Variants in SPATS2L observed in about 807,000 individuals in gnomAD.
SPATS2L encodes spermatogenesis associated serine rich 2 like.
A neutral mutation model predicts 59.6 loss-of-function variants in SPATS2L; 30 were observed. The observed-to-expected ratio is 0.50, with a 90% CI of 0.38 to 0.68. SPATS2L has a LOEUF of 0.68. SPATS2L is among the 30% of genes least tolerant of loss of function. SPATS2L has a pLI of 0.00. For synonymous variants in SPATS2L, 252 were observed against 263.5 expected, an observed-to-expected ratio of 0.96 and a Z score of 0.42; for missense variants, 615 against 700.0, an observed-to-expected ratio of 0.88 and a Z score of 1.37.
chr2:200,477,250 A>G (rs73042206), intron 12 of SPATS2L, among the ~76,000 whole-genome samples: 12,565 of 152,136 alleles, frequency 0.083, 1,050 homozygotes, highest in African/African-American at 0.22. Flanking sequence ...TGTCCCTCTC[A>G]GTCTCTACAG....
At chr2:200,385,230 G>A (rs561106123) in intron 2 of SPATS2L, among the ~76,000 whole-genome samples, 1 of 152,206 alleles carries the variant, frequency 6.6e-6, no homozygotes, top group African/African-American at 2.4e-5. Context: ...ACTCACTGTA[G>A]GTCCTAAAAA....
intron 2 of SPATS2L, among the ~76,000 whole-genome samples, chr2:200,375,819 G>T (rs1315631627): frequency 1.3e-5 from 2 of 152,054 alleles, no homozygotes; most frequent in Admixed American, 1.3e-4. Context: ...TAGAGACAGG[G>T]TTTCACCGTG....
intron 2 of SPATS2L, among the ~76,000 whole-genome samples, chr2:200,353,171 G>A (rs962675333): frequency 4.6e-5 from 7 of 152,168 alleles, no homozygotes; most frequent in Non-Finnish European, 1.0e-4. Context: ...ACCTAGAGGA[G>A]CAAAGAAGAG....
At chr2:200,464,595 C>A (rs774000982) in intron 9 of SPATS2L, among the ~76,000 whole-genome samples, 6 of 152,080 alleles carry the variant, frequency 3.9e-5, no homozygotes, top group Non-Finnish European at 7.3e-5. Flanking sequence ...GGCCTAATGA[C>A]CCCTTTACTA....
chr2:200,326,901 A>AT (rs755351538), intron 1 of SPATS2L, among the ~76,000 whole-genome samples: 32,223 of 98,960 alleles, frequency 0.33, 6,416 homozygotes, highest in East Asian at 0.66. Flanking sequence ...TGCCCGGCTA[A>AT]TTTTTTTTTT....
intron 2 of SPATS2L, among the ~76,000 whole-genome samples, chr2:200,335,900 G>A (rs886722112): frequency 1.3e-5 from 2 of 152,198 alleles, no homozygotes; most frequent in African/African-American, 4.8e-5. Context: ...CTGGGGCATA[G>A]GCGAAGTCTC....
chr2:200,324,426 C>T (rs914952673), intron 1 of SPATS2L, among the ~76,000 whole-genome samples: 1 of 152,170 alleles, frequency 6.6e-6, no homozygotes, highest in Non-Finnish European at 1.5e-5. Flanking sequence ...GCTTGCTATT[C>T]TCATTTGGAA....
At chr2:200,319,729 C>G (rs2079501609) in intron 1 of SPATS2L, among the ~76,000 whole-genome samples, 1 of 152,136 alleles carries the variant, frequency 6.6e-6, no homozygotes, top group East Asian at 1.9e-4. Context: ...AAATCAGGAA[C>G]AGCACATTGT....
At chr2:200,476,514 CAG>C (rs372165533) in intron 12 of SPATS2L, among the ~76,000 whole-genome samples, 47 of 152,360 alleles carry the variant, frequency 3.1e-4, no homozygotes, top group African/African-American at 1.1e-3. Flanking sequence ...GGCCTTGCAA[CAG>C]GGGTGCCTCA....
intron 2 of SPATS2L, among the ~76,000 whole-genome samples, chr2:200,367,667 A>T (rs2081306696): frequency 6.6e-6 from 1 of 151,468 alleles, no homozygotes; most frequent in South Asian, 2.1e-4. Flanking sequence ...TAAGAAAGGA[A>T]TGCCCATATT....
intron 3 of SPATS2L, among the ~76,000 whole-genome samples, chr2:200,404,966 C>T (rs1010542256): frequency 2.0e-5 from 3 of 152,138 alleles, no homozygotes; most frequent in Admixed American, 1.3e-4. Flanking sequence ...TATACTGGAC[C>T]CACTGAGATA....
intron 1 of SPATS2L, among the ~76,000 whole-genome samples, chr2:200,323,900 C>G (rs111468278): frequency 3.2e-4 from 48 of 152,268 alleles, no homozygotes; most frequent in African/African-American, 1.1e-3. Context: ...TAAAGTAATG[C>G]AAGTGCTGGA....
chr2:200,467,266 G>T, intron 9 of SPATS2L, 24 bp from the exon 10 acceptor site: 1 of 1,503,142 alleles, frequency 6.7e-7, no homozygotes, highest in Non-Finnish European at 9.3e-7. Context: ...TGGCCCTAAT[G>T]TATGACTCCT....
At chr2:200,339,704 A>T (rs1351298221) in intron 2 of SPATS2L, among the ~76,000 whole-genome samples, 1 of 152,224 alleles carries the variant, frequency 6.6e-6, no homozygotes, top group Non-Finnish European at 1.5e-5. Context: ...TTTAGAAATA[A>T]TACAAGGAAC....
intron 1 of SPATS2L, among the ~76,000 whole-genome samples, chr2:200,321,007 T>A (rs2079543641): frequency 6.6e-6 from 1 of 152,152 alleles, no homozygotes; most frequent in African/African-American, 2.4e-5. Flanking sequence ...TGAAAAAAAA[T>A]CTGATGTTAA....
chr2:200,472,755 C>T lies in SPATS2L; in HGVS notation c.1061-77C>T, dbSNP rs527762910. On this transcript the variant is annotated intron_variant, in intron 11 of 12. Transcript: ENST00000409140. The stretch of plus-strand genomic sequence containing the variant: ...AGCTCCTGGCCAGTTTCTTCATCTT[C>T]TAGCGCTTCCTAATGGGTTACTGAG... The T allele has an allele frequency of 1.7e-4, 223 of 1,284,680 alleles. 1 individual carries two copies. The East Asian group carries it at 5.0e-3, about 29-fold the overall frequency. 79.6% of individuals were successfully genotyped at this position (1,284,680 alleles called of 1,614,324 possible). A position where few individuals can be genotyped will look rare whatever the true frequency, so the allele number is the denominator to read the frequency against.
chr2:200,435,467 G>T (rs1574525968), intron 6 of SPATS2L, among the ~76,000 whole-genome samples: 1 of 151,960 alleles, frequency 6.6e-6, no homozygotes. Flanking sequence ...TCTAATATTT[G>T]ATGAATATTA....
At chr2:200,456,008 T>A (rs2085809824) in intron 8 of SPATS2L, among the ~76,000 whole-genome samples, 1 of 152,226 alleles carries the variant, frequency 6.6e-6, no homozygotes, top group African/African-American at 2.4e-5. Flanking sequence ...CTCCTCACTG[T>A]CTGACAGCCT....
Position 200,412,330 on chromosome 2 carries a change from T to C in SPATS2L, c.59T>C (p.Val20Ala), listed in dbSNP as rs1033028343. 4 of 1,596,938 alleles carry C rather than the reference T, an allele frequency of 2.5e-6. No homozygotes were observed. The highest frequency in any genetic ancestry group is 1.7e-5 in the Admixed American group (1 of 58,704). ...VKEKIYAVRSVVPNKSNNEIV... is the reference protein window; with the variant it reads ...VKEKIYAVRSAVPNKSNNEIV... ...TTACAGATCTATGCAGTTAGATCAG[T>C]TGTTCCCAACAAAAGCAATAATGAA... is the stretch of plus-strand genomic sequence containing the variant. Residue 20 changes from valine (V) to alanine (A), a missense_variant, in exon 4 of 13, where the codon GTT (valine) becomes GCT (alanine). Physicochemically the swap from Val to Ala is moderately conservative, Grantham distance 64 (BLOSUM62 0). Around this residue, in one of 3 missense-constraint regions of SPATS2L, gnomAD observed 227 missense variants for 257.4 expected, o/e 0.88. Coordinates refer to ENST00000409140, the MANE Select transcript of SPATS2L (RefSeq NM_001100423.2).
Sources: allele counts gnomAD v4.1 joint callset (sites outside exome capture counted in the v4.1 genomes callset), GRCh38; gene constraint gnomAD v4.1.1; regional missense constraint gnomAD v4.1.1; transcripts MANE v1.5; gene names NCBI Gene and HGNC (gene_info 2026-07-23, HGNC 2026-07-21).